The following PHACTR3 variants were observed in gnomAD, a reference collection of about 807,000 sequenced individuals.
The protein encoded by PHACTR3 is phosphatase and actin regulator 3.
Under a neutral mutation model 66.8 loss-of-function variants are expected in PHACTR3, and 16 were observed. That is an observed-to-expected ratio of 0.24 (90% CI 0.16 to 0.36). The LOEUF (loss-of-function observed/expected upper bound fraction) is 0.36. Among genes scored for constraint, PHACTR3 ranks in the 10% least tolerant of loss-of-function variants. PHACTR3 has a pLI of 1.00. For missense variants in PHACTR3, 647 were observed against 719.9 expected, an observed-to-expected ratio of 0.90 and a Z score of 1.16; for synonymous variants, 323 against 292.1, an observed-to-expected ratio of 1.11 and a Z score of -1.08.
At chr20:59,597,174 T>G (rs892447468) in intron 1 of PHACTR3, among the ~76,000 whole-genome samples, 1 of 152,222 alleles carries the variant, frequency 6.6e-6, no homozygotes, top group African/African-American at 2.4e-5. Flanking sequence ...TGGTAACCCT[T>G]GTTAGATACC....
Position 59,680,556 on chromosome 20 carries a change from T to A in PHACTR3, c.119-62551T>A, listed in dbSNP as rs185378843. Among the ~76,000 whole-genome samples, 22 of 152,320 alleles carry A rather than the reference T, an allele frequency of 1.4e-4. No individual in the cohort carries two copies. In the East Asian group the frequency reaches 4.2e-3, roughly 29 times the overall value. On this transcript the variant is annotated intron_variant, in intron 1 of 12. Coordinates refer to ENST00000371015, the MANE Select transcript of PHACTR3 (RefSeq NM_080672.5). Reference sequence around the variant, plus strand: ...AACAGCCCTCACCTGGCAACCTTCATGTAACCCAAGCTTGTCCAACCCAAG... The same window carrying A: ...AACAGCCCTCACCTGGCAACCTTCAAGTAACCCAAGCTTGTCCAACCCAAG...
At chr20:59,592,617 C>T (rs754754619) in intron 1 of PHACTR3, among the ~76,000 whole-genome samples, 4 of 152,128 alleles carry the variant, frequency 2.6e-5, no homozygotes, top group Non-Finnish European at 4.4e-5. Flanking sequence ...CAGATACTGC[C>T]CTACAAATCC....
rs532546221 is a variant in PHACTR3 at position 59,746,469 on chromosome 20, A to G, written c.281-1289A>G. ...CTCAGTAAATGTGTAAGGGGTTTCC[A>G]TAGATTGAACACCTGATCACCATGG... On this transcript the variant is annotated intron_variant, in intron 2 of 12. Coordinates refer to ENST00000371015, the MANE Select transcript of PHACTR3 (RefSeq NM_080672.5). 2.4e-4 allele frequency among the ~76,000 whole-genome samples: 37 copies of G among 152,356 alleles called. 1 individual carries two copies. The highest frequency in any genetic ancestry group is 1.7e-3 in the Admixed American group (26 of 15,302).
chr20:59,622,284 G>A (rs981116479), intron 1 of PHACTR3, among the ~76,000 whole-genome samples: 6 of 152,072 alleles, frequency 3.9e-5, no homozygotes, highest in East Asian at 3.9e-4. Flanking sequence ...TCAGGCTTCA[G>A]CCTCAGCCGT....
chr20:59,754,551 C>T (rs561145080), intron 3 of PHACTR3, among the ~76,000 whole-genome samples: 1 of 152,348 alleles, frequency 6.6e-6, no homozygotes, highest in African/African-American at 2.4e-5. Flanking sequence ...GATCAGTAAA[C>T]ACCTGTTTAA....
intron 6 of PHACTR3, 29 bp from the exon 7 acceptor site, chr20:59,774,214 C>A: frequency 6.4e-7 from 1 of 1,551,084 alleles, no homozygotes; most frequent in Non-Finnish European, 8.7e-7. Flanking sequence ...AGGGGGTGAC[C>A]TATAACCTGA....
intron 1 of PHACTR3, among the ~76,000 whole-genome samples, chr20:59,653,385 A>G (rs748532459): frequency 4.6e-5 from 7 of 152,134 alleles, no homozygotes; most frequent in Non-Finnish European, 7.4e-5. Context: ...GGGTTTCACT[A>G]TGTTGGTCAG....
chr20:59,775,816 G>A (rs934261785), intron 7 of PHACTR3, among the ~76,000 whole-genome samples: 2 of 152,208 alleles, frequency 1.3e-5, no homozygotes, highest in African/African-American at 4.8e-5. Context: ...AGTAGAGCTG[G>A]TGTTGGGATG....
Position 59,604,839 on chromosome 20 carries a change from G to T in PHACTR3, c.-176G>T. 1 of 1,207,666 alleles carries T rather than the reference G, an allele frequency of 8.3e-7. No homozygotes were observed. The highest frequency in any genetic ancestry group is 1.0e-6 in the Non-Finnish European group (1 of 975,488). The allele number at this position is 1,207,666 out of a possible 1,614,324, so 74.8% of individuals were successfully genotyped here. A position where few individuals can be genotyped will look rare whatever the true frequency, so the allele number is the denominator to read the frequency against. ...CTATTGTCTCCCCGCCCTGAAGCCA[G>T]CCCCGGCGTCTTTCTCCAGCTCGTT... On this transcript the variant is annotated 5_prime_UTR_variant, in exon 1 of 13. Transcript: ENST00000371015.
chr20:59,775,191 G>A (rs1022808899), intron 7 of PHACTR3, among the ~76,000 whole-genome samples: 2 of 152,190 alleles, frequency 1.3e-5, no homozygotes, highest in Non-Finnish European at 1.5e-5. Flanking sequence ...AGGCCAGGAG[G>A]AGGAAGTGCT....
At chr20:59,657,841 G>GT (rs1555807510) in intron 1 of PHACTR3, among the ~76,000 whole-genome samples, 2 of 151,974 alleles carry the variant, frequency 1.3e-5, no homozygotes, top group African/African-American at 2.4e-5. Context: ...ATAGATTAGG[G>GT]TTTTTTCGCA....
chr20:59,798,555 T>C (rs2041320857), intron 7 of PHACTR3, among the ~76,000 whole-genome samples: 1 of 152,216 alleles, frequency 6.6e-6, no homozygotes, highest in East Asian at 1.9e-4. Flanking sequence ...CCATTCTGGT[T>C]ACATATTTCT....
At chr20:59,781,526 C>A (rs1042136215) in intron 7 of PHACTR3, among the ~76,000 whole-genome samples, 4 of 152,194 alleles carry the variant, frequency 2.6e-5, no homozygotes, top group African/African-American at 9.7e-5. Context: ...TGAGACAACG[C>A]TCATGGAGGG....
chr20:59,805,372 G>T (rs76703737), intron 7 of PHACTR3, among the ~76,000 whole-genome samples: 3 of 152,222 alleles, frequency 2.0e-5, no homozygotes, highest in African/African-American at 7.2e-5. Context: ...GGACATGGGC[G>T]GGTGGGGGAA....
chr20:59,706,082 C>T (rs370183570), intron 1 of PHACTR3, among the ~76,000 whole-genome samples: 5 of 152,290 alleles, frequency 3.3e-5, no homozygotes, highest in African/African-American at 9.6e-5. Context: ...TTTTATTGTG[C>T]AAACAAGTTT....
chr20:59,811,463 A>C (rs1399729082), intron 8 of PHACTR3, among the ~76,000 whole-genome samples: 1 of 152,202 alleles, frequency 6.6e-6, no homozygotes, highest in Non-Finnish European at 1.5e-5. Context: ...GTTCGAGACC[A>C]GCCTGGCCAA....
intron 1 of PHACTR3, among the ~76,000 whole-genome samples, chr20:59,624,721 C>T (rs1316537960): frequency 2.6e-5 from 4 of 152,036 alleles, no homozygotes; most frequent in African/African-American, 9.7e-5. Flanking sequence ...CCTGCTGGAG[C>T]CCCCTAACTC....
At chr20:59,832,817 A>G (rs962358601) in intron 8 of PHACTR3, among the ~76,000 whole-genome samples, 1 of 152,050 alleles carries the variant, frequency 6.6e-6, no homozygotes, top group East Asian at 1.9e-4. Context: ...GCGATCCCCA[A>G]TCATCCTCTG....
At chr20:59,787,675 TG>T (rs1348328910) in intron 7 of PHACTR3, among the ~76,000 whole-genome samples, 5 of 152,162 alleles carry the variant, frequency 3.3e-5, no homozygotes, top group African/African-American at 1.2e-4. Flanking sequence ...GGCCAGGAGC[TG>T]GAGAGGAGAG....
Sources: gnomAD v4.1 joint callset for allele counts (sites outside exome capture counted in the v4.1 genomes callset) on GRCh38, gnomAD v4.1.1 for gene constraint, MANE v1.5 for transcripts, NCBI Gene and HGNC (gene_info 2026-07-23, HGNC 2026-07-21) for gene names.